The following OCA2 variants were observed in gnomAD, a reference collection of about 807,000 sequenced individuals.
OCA2 encodes P protein.
In OCA2, 77 loss-of-function variants were observed where a neutral mutation model predicts 100.2. The ratio of observed to expected loss-of-function variants is 0.77; its 90% CI spans 0.64 to 0.93. The LOEUF (loss-of-function observed/expected upper bound fraction) is 0.93, where lower values mean the gene tolerates loss of function less well. Ranked by LOEUF, OCA2 falls within the 40% of genes least tolerant of loss-of-function variation. The pLI, the probability that OCA2 is intolerant of heterozygous loss-of-function variation, is 0.00. For synonymous variants in OCA2, 432 were observed against 439.2 expected, an observed-to-expected ratio of 0.98 and a Z score of 0.21; for missense variants, 1,062 against 1,089.1, an observed-to-expected ratio of 0.98 and a Z score of 0.35.
intron 3 of OCA2, among the ~76,000 whole-genome samples, chr15:28,029,258 A>C (rs898098420): frequency 1.3e-5 from 2 of 152,260 alleles, no homozygotes; most frequent in African/African-American, 4.8e-5. Flanking sequence ...GATGCCAATT[A>C]GGCTGTGTAT....
chr15:27,821,786 T>C (rs1304632024), intron 23 of OCA2, among the ~76,000 whole-genome samples: 2 of 152,108 alleles, frequency 1.3e-5, no homozygotes, highest in South Asian at 4.1e-4. Context: ...TATGCACCCA[T>C]GCACACTACA....
chr15:27,953,171 A>C (rs2040093521), intron 17 of OCA2, among the ~76,000 whole-genome samples: 1 of 152,260 alleles, frequency 6.6e-6, no homozygotes, highest in African/African-American at 2.4e-5. Flanking sequence ...GGACAGATAT[A>C]GACATATAGA....
intron 2 of OCA2, among the ~76,000 whole-genome samples, chr15:28,055,624 C>T (rs2043668067): frequency 6.6e-6 from 1 of 152,182 alleles, no homozygotes; most frequent in South Asian, 2.1e-4. Flanking sequence ...GGGGCCTGGC[C>T]CCTCCCAGGC....
At chr15:27,932,888 CG>C (rs1208980493) in intron 18 of OCA2, among the ~76,000 whole-genome samples, 1 of 151,796 alleles carries the variant, frequency 6.6e-6, no homozygotes, top group Non-Finnish European at 1.5e-5. Context: ...ATAATAACCC[CG>C]GGGAAGGGAG....
intron 19 of OCA2, among the ~76,000 whole-genome samples, chr15:27,925,629 C>T (rs2039016068): frequency 6.6e-6 from 1 of 152,146 alleles, no homozygotes; most frequent in African/African-American, 2.4e-5. Context: ...TGTTAGTAAA[C>T]CTTTCTGTTT....
At chr15:27,939,008 G>A (rs1375170) in intron 18 of OCA2, among the ~76,000 whole-genome samples, 1 of 152,050 alleles carries the variant, frequency 6.6e-6, no homozygotes, top group African/African-American at 2.4e-5. Flanking sequence ...AAATCCATAC[G>A]CTTGCTGAGG....
intron 14 of OCA2, among the ~76,000 whole-genome samples, chr15:27,976,512 T>A (rs184683028): frequency 1.1e-4 from 16 of 152,314 alleles, no homozygotes; most frequent in Admixed American, 1.0e-3. Flanking sequence ...ATTGAGATGA[T>A]CATATGGTTT....
rs1567098851 is a variant in OCA2 at position 27,913,903 on chromosome 15, GC to G, written c.2079+12223del. The stretch of plus-strand genomic sequence containing the variant: ...AGAAAGAAAGAAAGAAAGCAAGCAA[GC>G]AAGCAAGCAAGCAAGCAAGCAAGCA... On this transcript the variant is annotated intron_variant, in intron 19 of 23. Transcript: ENST00000354638. 2.8e-3 allele frequency among the ~76,000 whole-genome samples: 113 copies of G among 39,970 alleles called. 15 individuals carry two copies. Among genetic ancestry groups the G allele is most frequent in the African/African-American group, 1.0e-2 (90 of 9,014 alleles). 26.2% of individuals were successfully genotyped at this position (39,970 alleles called of 152,430 possible). A position where few individuals can be genotyped will look rare whatever the true frequency, so the allele number is the denominator to read the frequency against.
At chr15:28,048,505 G>T (rs566405110) in intron 2 of OCA2, among the ~76,000 whole-genome samples, 114 of 152,096 alleles carry the variant, frequency 7.5e-4, no homozygotes, top group African/African-American at 2.6e-3. Flanking sequence ...AAAGAATGAA[G>T]TTAGACCCCT....
intron 2 of OCA2, among the ~76,000 whole-genome samples, 179 bp from the exon 3 acceptor site, chr15:28,032,342 A>G (rs1353283586): frequency 6.6e-6 from 1 of 152,210 alleles, no homozygotes; most frequent in Non-Finnish European, 1.5e-5. Flanking sequence ...ACCATAAGAA[A>G]GACCTCTTCT....
intron 23 of OCA2, among the ~76,000 whole-genome samples, chr15:27,784,303 A>C (rs1466381821): frequency 6.6e-6 from 1 of 152,174 alleles, no homozygotes; most frequent in Non-Finnish European, 1.5e-5. Context: ...GTTAGGGTGC[A>C]TTGAGGGTAA....
chr15:28,080,085 T>A (rs1365404132), intron 2 of OCA2, among the ~76,000 whole-genome samples: 1 of 152,170 alleles, frequency 6.6e-6, no homozygotes, highest in Non-Finnish European at 1.5e-5. Context: ...ATCACTCACA[T>A]CCTGGCTGGG....
intron 15 of OCA2, among the ~76,000 whole-genome samples, chr15:27,964,493 G>A (rs1258520657): frequency 4.6e-5 from 7 of 152,178 alleles, no homozygotes; most frequent in African/African-American, 1.7e-4. Flanking sequence ...GTCACTGGAT[G>A]GCAGAATGGG....
intron 23 of OCA2, among the ~76,000 whole-genome samples, chr15:27,789,031 A>G (rs1356967035): frequency 6.6e-6 from 1 of 152,090 alleles, no homozygotes; most frequent in Admixed American, 6.5e-5. Flanking sequence ...TTATTTTAAT[A>G]TATATTACAT....
intron 9 of OCA2, among the ~76,000 whole-genome samples, chr15:28,007,836 T>C (rs116413215): frequency 0.013 from 2,050 of 152,156 alleles, 42 homozygotes; most frequent in African/African-American, 0.047. Context: ...TAACCCAAGG[T>C]ATTTCCTGAA....
Position 28,014,795 on chromosome 15 carries a change from T to G in OCA2, c.1025A>C (p.Tyr342Ser), listed in dbSNP as rs142931246. ...TIATAILAGV[Y>S]ALIIFEIVHR... ...AGTTACCTCAAATATGATCAGCGCGTAGACGCCCGCGAGGATGGCCGTCGC... is the reference window on the plus strand; with the variant it reads ...AGTTACCTCAAATATGATCAGCGCGGAGACGCCCGCGAGGATGGCCGTCGC... The change falls in exon 9 of 24, where the codon TAC (tyrosine) becomes TCC (serine). Residue 342 changes from tyrosine to serine, a missense_variant. Coordinates refer to ENST00000354638, the MANE Select transcript of OCA2 (RefSeq NM_000275.3). 6.2e-7 allele frequency: 1 copy of G among 1,613,560 alleles called. No individual in the cohort carries two copies. The highest frequency in any genetic ancestry group is 8.5e-7 in the Non-Finnish European group (1 of 1,179,978).
intron 19 of OCA2, among the ~76,000 whole-genome samples, chr15:27,877,020 T>C (rs1424074326): frequency 1.3e-5 from 2 of 151,988 alleles, no homozygotes; most frequent in Admixed American, 6.6e-5. Flanking sequence ...TTGTATTTCA[T>C]CTACAAGTTT....
intron 23 of OCA2, among the ~76,000 whole-genome samples, chr15:27,775,063 C>CGTGTGTGTGTGTGTGT (rs66465683): frequency 6.3e-5 from 9 of 142,938 alleles, no homozygotes; most frequent in African/African-American, 7.8e-5. Flanking sequence ...TTTTAGAACT[C>CGTGTGTGTGTGTGTGT]GTGTGTGTGT....
chr15:28,003,420 C>T lies in OCA2; in HGVS notation c.1044+11356G>A, dbSNP rs556383555. ...TTCAGACGAAAGATGGCTCTAGAAG[C>T]TGGCGGTCCCCACCCAGGACGCCCG... On this transcript the variant is annotated intron_variant, in intron 9 of 23. Coordinates refer to ENST00000354638, the MANE Select transcript of OCA2 (RefSeq NM_000275.3). Among the ~76,000 whole-genome samples the T allele has an allele frequency of 7.2e-4, 110 of 152,380 alleles. No individual in the cohort carries two copies. In the Middle Eastern group the frequency reaches 0.01, roughly 14 times the overall value.
Sources: gnomAD v4.1 joint callset for allele counts (sites outside exome capture counted in the v4.1 genomes callset) on GRCh38, gnomAD v4.1.1 for gene constraint, MANE v1.5 for transcripts, NCBI Gene and HGNC (gene_info 2026-07-23, HGNC 2026-07-21) for gene names.